The following SNTG2 variants were observed in gnomAD, a reference collection of about 807,000 sequenced individuals.
SNTG2 encodes gamma-2-syntrophin.
SNTG2 carries 74 observed loss-of-function variants against 70.9 expected under a neutral mutation model. That is an observed-to-expected ratio of 1.04 (90% CI 0.86 to 1.27). SNTG2 has a LOEUF of 1.27. Among genes scored for constraint, SNTG2 ranks in the 50% most tolerant of loss-of-function variants. SNTG2 has a pLI of 0.00. For missense variants in SNTG2, 717 were observed against 690.7 expected (o/e 1.04, Z -0.43); for synonymous variants, 278 against 273.8 (o/e 1.02, Z -0.15).
At chr2:1,061,574 C>T (rs1191303170) in intron 1 of SNTG2, among the ~76,000 whole-genome samples, 4 of 152,240 alleles carry the variant, frequency 2.6e-5, no homozygotes, top group African/African-American at 9.6e-5. Context: ...ACCAGGTATA[C>T]AGCTGTCAAT....
chr2:992,092 AT>A (rs1661517065), intron 1 of SNTG2, among the ~76,000 whole-genome samples: 1 of 152,218 alleles, frequency 6.6e-6, no homozygotes, highest in Non-Finnish European at 1.5e-5. Flanking sequence ...GAAGCAGATA[AT>A]GGAAATAACC....
intron 12 of SNTG2, among the ~76,000 whole-genome samples, chr2:1,255,833 A>AATATATATAAAT (rs1558602270): frequency 1.7e-4 from 6 of 35,736 alleles, no homozygotes; most frequent in African/African-American, 8.1e-4. Flanking sequence ...TATATATATA[A>AATATATATAAAT]ATATATATAA....
chr2:1,271,861 C>A (rs1679038095), intron 14 of SNTG2, among the ~76,000 whole-genome samples: 1 of 152,002 alleles, frequency 6.6e-6, no homozygotes, highest in Non-Finnish European at 1.5e-5. Flanking sequence ...ACACCATTGG[C>A]TAATTGGCTT....
At chr2:1,307,435 C>CTGTG (rs35500323) in intron 14 of SNTG2, among the ~76,000 whole-genome samples, 3,924 of 138,642 alleles carry the variant, frequency 0.028, 178 homozygotes, top group African/African-American at 0.099. Context: ...GAGCCGTGTA[C>CTGTG]TGTGTGTGTG....
At chr2:1,158,228 A>T (rs1572597838) in intron 6 of SNTG2, 1 of 152,272 alleles carries the variant, frequency 6.6e-6, no homozygotes, top group South Asian at 2.1e-4. Flanking sequence ...GGAGTTATTC[A>T]TAAATTAAAC....
chr2:1,212,935 A>G (rs1172530308), intron 9 of SNTG2, among the ~76,000 whole-genome samples: 1 of 152,236 alleles, frequency 6.6e-6, no homozygotes, highest in Admixed American at 6.5e-5. Context: ...CAAAAGCTGT[A>G]AGCTGTAGCC....
chr2:1,276,306 A>C (rs1161413424), intron 14 of SNTG2, among the ~76,000 whole-genome samples: 2 of 152,114 alleles, frequency 1.3e-5, no homozygotes, highest in African/African-American at 4.8e-5. Flanking sequence ...TCATTGCCTG[A>C]CTTCAAAGCA....
chr2:986,800 T>A (rs1193341957), intron 1 of SNTG2, among the ~76,000 whole-genome samples: 1 of 152,218 alleles, frequency 6.6e-6, no homozygotes, highest in Non-Finnish European at 1.5e-5. Flanking sequence ...AAAGAAAATG[T>A]CCTTGGCAAT....
At chr2:1,005,859 ATATATATATATATAT>A (rs1659554463) in intron 1 of SNTG2, among the ~76,000 whole-genome samples, 3 of 24,066 alleles carry the variant, frequency 1.2e-4, no homozygotes, top group Non-Finnish European at 2.6e-4. Flanking sequence ...ATATATATAT[ATATATATATATATAT>A]AAACGTTGAC....
At chr2:987,251 C>G (rs1661356229) in intron 1 of SNTG2, among the ~76,000 whole-genome samples, 1 of 152,084 alleles carries the variant, frequency 6.6e-6, no homozygotes, top group African/African-American at 2.4e-5. Context: ...AGAGGTGAGG[C>G]TAGACTGCGC....
intron 16 of SNTG2, among the ~76,000 whole-genome samples, chr2:1,339,727 C>T (rs981446231): frequency 6.6e-6 from 1 of 152,192 alleles, no homozygotes; most frequent in African/African-American, 2.4e-5. Flanking sequence ...TCTGCCACAC[C>T]ACAGTAGAGG....
At chr2:952,089 C>G (rs893116580) in intron 1 of SNTG2, among the ~76,000 whole-genome samples, 1 of 152,132 alleles carries the variant, frequency 6.6e-6, no homozygotes, top group Non-Finnish European at 1.5e-5. Context: ...TCAAGTAGCA[C>G]CTTTCTGGGC....
chr2:1,352,498 TC>T (rs1268340935), intron 16 of SNTG2, among the ~76,000 whole-genome samples: 1 of 152,172 alleles, frequency 6.6e-6, no homozygotes, highest in East Asian at 1.9e-4. Context: ...AGCACACAGT[TC>T]AGCAACCCTG....
At chr2:1,355,204 A>G (rs1660780486) in intron 16 of SNTG2, among the ~76,000 whole-genome samples, 1 of 152,238 alleles carries the variant, frequency 6.6e-6, no homozygotes, top group Admixed American at 6.5e-5. Flanking sequence ...ATGTGTGGTA[A>G]CAAGCACATG....
intron 1 of SNTG2, among the ~76,000 whole-genome samples, chr2:1,037,065 A>G (rs1055630087): frequency 7.2e-5 from 11 of 152,228 alleles, no homozygotes; most frequent in African/African-American, 2.7e-4. Context: ...CATGGAGCAC[A>G]AGCAAAGTAG....
chr2:977,670 A>G (rs1269552538), intron 1 of SNTG2, among the ~76,000 whole-genome samples: 1 of 152,100 alleles, frequency 6.6e-6, no homozygotes, highest in Non-Finnish European at 1.5e-5. Flanking sequence ...AAACTCATCG[A>G]CAGCTACTCA....
intron 1 of SNTG2, among the ~76,000 whole-genome samples, chr2:1,072,007 A>G (rs1372902141): frequency 2.0e-5 from 3 of 152,208 alleles, no homozygotes; most frequent in Non-Finnish European, 4.4e-5. Context: ...AGGTGGGTTT[A>G]TGAGGTTCAA....
At chr2:1,099,127 T>A (rs1055177781) in intron 4 of SNTG2, among the ~76,000 whole-genome samples, 1 of 152,214 alleles carries the variant, frequency 6.6e-6, no homozygotes, top group Non-Finnish European at 1.5e-5. Context: ...TGCATCCTTG[T>A]GGCTGGCCTC....
At chr2:961,285 C>T (rs1384211785) in intron 1 of SNTG2, among the ~76,000 whole-genome samples, 1 of 152,140 alleles carries the variant, frequency 6.6e-6, no homozygotes, top group Non-Finnish European at 1.5e-5. Context: ...TGGCTCACTG[C>T]AACCTCTGCC....
Sources: allele counts gnomAD v4.1 joint callset (sites outside exome capture counted in the v4.1 genomes callset), GRCh38; gene constraint gnomAD v4.1.1; transcripts MANE v1.5; gene names NCBI Gene and HGNC (gene_info 2026-07-23, HGNC 2026-07-21).